The following GPD1 variants were observed in gnomAD, a reference collection of about 807,000 sequenced individuals.
GPD1 encodes glycerol-3-phosphate dehydrogenase [NAD(+)], cytoplasmic.
In GPD1, 19 loss-of-function variants were observed where a neutral mutation model predicts 34.4. The observed-to-expected ratio is 0.55, with a 90% CI of 0.39 to 0.81. The LOEUF (loss-of-function observed/expected upper bound fraction) is 0.81. Among genes scored for constraint, GPD1 ranks in the 30% least tolerant of loss-of-function variants. GPD1 has a pLI of 0.00. For synonymous variants in GPD1, 172 were observed against 174.1 expected (o/e 0.99, Z 0.09); for missense variants, 429 against 447.0 (o/e 0.96, Z 0.36).
rs1490310303 is a variant in GPD1 at position 50,109,671 on chromosome 12, C to T, written c.*152C>T. The stretch of plus-strand genomic sequence containing the variant: ...GACAGGAGGCTATGGGGCCCAGCTA[C>T]GCACCTGGAGATCCTGAACTGTCAA... On this transcript the variant is annotated 3_prime_UTR_variant, in exon 8 of 8. Coordinates refer to ENST00000301149, the MANE Select transcript of GPD1 (RefSeq NM_005276.4). The T allele has an allele frequency of 4.4e-5, 26 of 593,958 alleles. No individual in the cohort carries two copies. Among genetic ancestry groups the T allele is most frequent in the Non-Finnish European group, 4.5e-5 (15 of 330,266 alleles). 36.8% of individuals were successfully genotyped at this position (593,958 alleles called of 1,614,324 possible).
intron 6 of GPD1, 41 bp from the exon 7 acceptor site, chr12:50,107,983 T>C (rs1421759128): frequency 7.5e-7 from 1 of 1,337,280 alleles, no homozygotes; most frequent in African/African-American, 1.4e-5. Flanking sequence ...CTGACAACCC[T>C]TCTCTCCCAT....
chr12:50,110,362 A>C lies in GPD1; in HGVS notation c.*843A>C, dbSNP rs879371267. 3.3e-5 allele frequency: 5 copies of C among 152,746 alleles called. No homozygotes were observed. Among genetic ancestry groups the C allele is most frequent in the Non-Finnish European group, 7.3e-5 (5 of 68,108 alleles). The allele number at this position is 152,746 out of a possible 1,614,324, so 9.5% of individuals were successfully genotyped here. A position where few individuals can be genotyped will look rare whatever the true frequency, so the allele number is the denominator to read the frequency against. On this transcript the variant is annotated 3_prime_UTR_variant, in exon 8 of 8. Transcript: ENST00000301149. The stretch of plus-strand genomic sequence containing the variant: ...ATCTGCTGACAGAGCTACACCTTTC[A>C]TAACAGGCTCAGATCACTCAGCTCC...
Position 50,104,606 on chromosome 12 carries a change from A to G in GPD1, c.74A>G (p.Asn25Ser), listed in dbSNP as rs1950965070. Reference sequence around the variant, plus strand: ...GCCATCGCCAAGATCGTGGGTGGCAATGCAGCCCAGCTGGCACAGTTTGAC... The same window carrying G: ...GCCATCGCCAAGATCGTGGGTGGCAGTGCAGCCCAGCTGGCACAGTTTGAC... ...GSAIAKIVGG[N>S]AAQLAQFDPR... Residue 25 changes from asparagine to serine, a missense_variant, in exon 2 of 8, where the codon AAT becomes AGT. By Grantham distance (46) the Asn-to-Ser change is conservative. Coordinates refer to ENST00000301149, the MANE Select transcript of GPD1 (RefSeq NM_005276.4). The G allele has an allele frequency of 1.2e-6, 2 of 1,613,754 alleles. No homozygotes were observed. Among genetic ancestry groups the G allele is most frequent in the South Asian group, 1.1e-5 (1 of 91,078 alleles).
At position 50,109,832 on chromosome 12, in the gene GPD1, A is replaced by G. The variant is rs962878073; in HGVS notation, c.*313A>G. 167 of 335,294 alleles carry G rather than the reference A, an allele frequency of 5.0e-4. 3 individuals are homozygous for G. The Admixed American group carries it at 5.7e-3, about 11-fold the overall frequency. 20.8% of individuals were successfully genotyped at this position (335,294 alleles called of 1,614,324 possible). A position where few individuals can be genotyped will look rare whatever the true frequency, so the allele number is the denominator to read the frequency against. ...TGCTGCCTGCTTGGTGGCGGGGGTG[A>G]TGTATGTGGAGAAGGGTTGGGGGAG... On this transcript the variant is annotated 3_prime_UTR_variant, in exon 8 of 8. Coordinates refer to ENST00000301149, the MANE Select transcript of GPD1 (RefSeq NM_005276.4).
intron 3 of GPD1, 92 bp from the exon 4 acceptor site, chr12:50,106,196 T>A: frequency 8.5e-7 from 1 of 1,173,564 alleles, no homozygotes; most frequent in Non-Finnish European, 1.2e-6. Flanking sequence ...GGGACACAGA[T>A]GAGCAATGGA....
intron 2 of GPD1, 141 bp from the exon 3 acceptor site, chr12:50,105,407 C>T: frequency 1.3e-6 from 1 of 746,370 alleles, no homozygotes; most frequent in South Asian, 1.8e-5. Flanking sequence ...CCTCCAAGTT[C>T]AGTCCTTCTA....
chr12:50,106,466 T>A, intron 4 of GPD1, 40 bp downstream of exon 4: 3 of 1,581,782 alleles, frequency 1.9e-6, no homozygotes, highest in Non-Finnish European at 2.6e-6. Flanking sequence ...GTGCATCTAG[T>A]TGCATCCCCT....
chr12:50,105,094 T>C (rs969105936), intron 2 of GPD1: 1 of 325,310 alleles, frequency 3.1e-6, no homozygotes, highest in African/African-American at 2.1e-5. Context: ...TGGAGGCTGC[T>C]CCTTGGACTT....
chr12:50,106,336 G>T lies in GPD1; in HGVS notation c.409G>T (p.Gly137Trp). 1 of 1,613,586 alleles carries T rather than the reference G, an allele frequency of 6.2e-7. No individual in the cohort carries two copies. The highest frequency in any genetic ancestry group is 2.2e-5 in the East Asian group (1 of 44,876). Reference protein sequence around the residue: ...NGLKLISEVIGERLGIPMSVL... With the variant: ...NGLKLISEVIWERLGIPMSVL... ...GCTGAAGCTCATCTCGGAAGTGATT[G>T]GGGAGCGCCTCGGCATCCCCATGAG... The change falls in exon 4 of 8, where the codon GGG becomes TGG. Residue 137 changes from glycine to tryptophan, a missense_variant. Coordinates refer to ENST00000301149, the MANE Select transcript of GPD1 (RefSeq NM_005276.4).
At chr12:50,104,840 G>A (rs1338309223) in intron 2 of GPD1, 89 bp downstream of exon 2, 33 of 1,103,744 alleles carry the variant, frequency 3.0e-5, no homozygotes, top group South Asian at 4.2e-5. Context: ...CTCCTGCTGA[G>A]AGGGCCGCTT....
At position 50,106,892 on chromosome 12, in the gene GPD1, C is replaced by G; in HGVS notation, c.587C>G (p.Thr196Arg). 1.2e-6 allele frequency: 2 copies of G among 1,609,746 alleles called. No individual in the cohort carries two copies. The highest frequency in any genetic ancestry group is 8.5e-7 in the Non-Finnish European group (1 of 1,175,982). ...FRITVVQEVD[T>R]VEICGALKNV... ...ATCACAGTGGTGCAAGAGGTGGACA[C>G]AGTAGAGATCTGTGGAGCCTTAAAG... Residue 196 changes from threonine (T) to arginine (R), a missense_variant, in exon 5 of 8, where the codon ACA (threonine) becomes AGA (arginine). Coordinates refer to ENST00000301149, the MANE Select transcript of GPD1 (RefSeq NM_005276.4).
chr12:50,106,475 C>A (rs1325096313), intron 4 of GPD1, 49 bp downstream of exon 4: 5 of 1,539,834 alleles, frequency 3.2e-6, no homozygotes, highest in Non-Finnish European at 8.9e-7. Flanking sequence ...GTTGCATCCC[C>A]TCCCCAAACT....
rs1170256403 is a variant in GPD1, at chr12:50,107,758, G to A, written c.804G>A (p.Gly268=). The part of the protein sequence containing the change: ...VADLITTCYG[G]RNRKVAEAFA... ...ACCTGATCACTACCTGCTATGGAGGGCGGAACCGGAAAGTGGCTGAGGCCT... is the reference window on the plus strand; with the variant it reads ...ACCTGATCACTACCTGCTATGGAGGACGGAACCGGAAAGTGGCTGAGGCCT... Residue 268 remains glycine, a synonymous_variant, in exon 6 of 8, where the codon GGG becomes GGA. Transcript: ENST00000301149. The A allele has an allele frequency of 1.2e-6, 2 of 1,614,046 alleles. No homozygotes were observed. Among genetic ancestry groups the A allele is most frequent in the Non-Finnish European group, 8.5e-7 (1 of 1,180,014 alleles).
rs1380174166 is a variant in GPD1 at position 50,106,301 on chromosome 12, GC to G, written c.378del (p.Asn127MetfsTer3). On this transcript the variant is annotated frameshift_variant, in exon 4 of 8. Coordinates refer to ENST00000301149, the MANE Select transcript of GPD1 (RefSeq NM_005276.4). LOFTEE classifies it high-confidence loss of function. ...GISLIKGVDE[G>X]PNGLKLISEV... ...TCCTGTGCTCAGGGGGTAGACGAGG[GC>G]CCCAATGGGCTGAAGCTCATCTCGG... The G allele has an allele frequency of 6.2e-7, 1 of 1,611,238 alleles. No homozygotes were observed. Among genetic ancestry groups the G allele is most frequent in the African/African-American group, 1.3e-5 (1 of 74,892 alleles).
rs1364920222 is a variant in GPD1 at position 50,106,856 on chromosome 12, C to T, written c.551C>T (p.Pro184Leu). The change falls in exon 5 of 8, where the codon CCA (proline) becomes CTA (leucine). Residue 184 changes from proline (P) to leucine (L), a missense_variant. Physicochemically the swap from Pro to Leu is moderately conservative, Grantham distance 98. Transcript: ENST00000301149. ...GQLLKELMQTPNFRITVVQEV... is the reference protein window; with the variant it reads ...GQLLKELMQTLNFRITVVQEV... ...CTCCTGAAAGAGCTGATGCAGACAC[C>T]AAACTTCCGTATCACAGTGGTGCAA... The T allele has an allele frequency of 1.9e-6, 3 of 1,613,158 alleles. No individual in the cohort carries two copies. The African/African-American group carries it at 4.0e-5, about 22-fold the overall frequency.
Position 50,111,177 on chromosome 12 carries a change from C to T in GPD1, c.*1658C>T, listed in dbSNP as rs554834199. 6.6e-6 allele frequency: 1 copy of T among 152,348 alleles called. No homozygotes were observed. Among genetic ancestry groups the T allele is most frequent in the African/African-American group, 2.4e-5 (1 of 41,526 alleles). 9.4% of individuals were successfully genotyped at this position (152,348 alleles called of 1,614,324 possible). A position where few individuals can be genotyped will look rare whatever the true frequency, so the allele number is the denominator to read the frequency against. ...GGGTACTGAGTGTCCAGAGCTGCCT[C>T]CCCAGGAGGTTAAGGTGGGGGCAAA... On this transcript the variant is annotated 3_prime_UTR_variant, in exon 8 of 8. Coordinates refer to ENST00000301149, the MANE Select transcript of GPD1 (RefSeq NM_005276.4). The surrounding 1 kb of genome is among the most constrained non-coding windows in gnomAD (Gnocchi z 4.1).
In GPD1 at chr12:50,104,489, C is replaced by T. The variant is rs774452978; in HGVS notation, c.42-85C>T. ...TAGGAGTGAACAGCCTGGGGGGCTG[C>T]TGTGAGATCCTGAGGTGGGGCGCTG... On this transcript the variant is annotated intron_variant, in intron 1 of 7. Transcript: ENST00000301149. 3.9e-6 allele frequency: 4 copies of T among 1,027,298 alleles called. No homozygotes were observed. In the South Asian group the frequency reaches 5.1e-5, roughly 13 times the overall value. The allele number at this position is 1,027,298 out of a possible 1,614,324, so 63.6% of individuals were successfully genotyped here.
In GPD1 at chr12:50,108,995, C is replaced by T. The variant is rs1022263142; in HGVS notation, c.954-428C>T. 2.6e-5 allele frequency among the ~76,000 whole-genome samples: 4 copies of T among 152,046 alleles called. No homozygotes were observed. In the East Asian group the frequency reaches 5.8e-4, roughly 22 times the overall value. The stretch of plus-strand genomic sequence containing the variant: ...ACTAAAAATACAAAAATTAGTCAGG[C>T]ATGGTGGTGTGTGCCTGTAATCCCA... On this transcript the variant is annotated intron_variant, in intron 7 of 7. Coordinates refer to ENST00000301149, the MANE Select transcript of GPD1 (RefSeq NM_005276.4).
Position 50,108,072 on chromosome 12 carries a change from G to A in GPD1, c.895G>A (p.Gly299Arg), listed in dbSNP as rs889092603. The A allele has an allele frequency of 4.3e-6, 7 of 1,613,566 alleles. No individual in the cohort carries two copies. The highest frequency in any genetic ancestry group is 5.1e-6 in the Non-Finnish European group (6 of 1,179,686). Reference protein sequence around the residue: ...KELLNGQKLQGPETARELYSI... With the variant: ...KELLNGQKLQRPETARELYSI... Reference sequence around the variant, plus strand: ...GTTGCTGAATGGGCAGAAACTGCAGGGGCCCGAGACAGCCCGGGAGCTATA... The same window carrying A: ...GTTGCTGAATGGGCAGAAACTGCAGAGGCCCGAGACAGCCCGGGAGCTATA... Residue 299 changes from glycine to arginine, a missense_variant, in exon 7 of 8, where the codon GGG becomes AGG. By Grantham distance (125) the Gly-to-Arg change is moderately radical. Transcript: ENST00000301149.
Sources: allele counts gnomAD v4.1 joint callset (sites outside exome capture counted in the v4.1 genomes callset), GRCh38; gene constraint gnomAD v4.1.1; non-coding constraint Gnocchi (gnomAD v3.1); transcripts MANE v1.5; gene names NCBI Gene and HGNC (gene_info 2026-07-23, HGNC 2026-07-21).